The following SCAND3 variants were observed in gnomAD, a reference collection of about 807,000 sequenced individuals.
The protein encoded by SCAND3 is SCAN domain containing 3.
At chr6:28,595,330 C>CAAAAAAAAAA in the SCAND3 span, among the ~76,000 whole-genome samples, 30 of 37,304 alleles carry the variant, frequency 8.0e-4, 1 homozygote, top group Admixed American at 1.1e-3. Flanking sequence ...AACCCAGTCT[C>CAAAAAAAAAA]AAAAAAAAAA....
chr6:28,602,956 A>ATTTTTTTTTTTTTT, the SCAND3 span, among the ~76,000 whole-genome samples: 2 of 94,458 alleles, frequency 2.1e-5, no homozygotes, highest in Non-Finnish European at 1.9e-5. Flanking sequence ...CCAAAAAAAA[A>ATTTTTTTTTTTTTT]TTTTTTTTTT....
chr6:28,589,843 TG>T, the SCAND3 span: 6 of 136,532 alleles, frequency 4.4e-5, no homozygotes, highest in South Asian at 1.6e-3. Context: ...TTCTTTTGTT[TG>T]TTTTTTTGTT....
the SCAND3 span, among the ~76,000 whole-genome samples, chr6:28,610,625 A>G: frequency 6.6e-6 from 1 of 152,210 alleles, no homozygotes; most frequent in Non-Finnish European, 1.5e-5. Flanking sequence ...CAAGTAGTTT[A>G]TACTTTGATG....
At chr6:28,593,983 G>A in the SCAND3 span, among the ~76,000 whole-genome samples, 1 of 152,106 alleles carries the variant, frequency 6.6e-6, no homozygotes, top group Non-Finnish European at 1.5e-5. Context: ...GCCTCCCAAG[G>A]TGCTGGGATT....
At chr6:28,586,802 C>T in the SCAND3 span, 1 of 1,260,870 alleles carries the variant, frequency 7.9e-7, no homozygotes, top group African/African-American at 1.5e-5. The surrounding 1 kb of genome is among the most constrained non-coding windows in gnomAD (Gnocchi z 4.4). Context: ...CTTTTTTGTT[C>T]TTGGTCAGGA....
chr6:28,577,216 G>T, the SCAND3 span, among the ~76,000 whole-genome samples: 2 of 151,942 alleles, frequency 1.3e-5, no homozygotes, highest in Non-Finnish European at 2.9e-5. Context: ...GAAACACTAA[G>T]AATACTTCAA....
the SCAND3 span, chr6:28,572,203 T>G: frequency 1.2e-6 from 2 of 1,614,062 alleles, no homozygotes; most frequent in Non-Finnish European, 1.7e-6. This position sits in a 1 kb window ranked among gnomAD's most constrained non-coding sequence, Gnocchi z 4.1. Context: ...GGTAGCCAGC[T>G]TCAACAACTT....
At chr6:28,573,059 A>G in the SCAND3 span, 5 of 1,611,118 alleles carry the variant, frequency 3.1e-6, no homozygotes, top group East Asian at 2.2e-5. Context: ...TACAGTTCTG[A>G]GCTAGTTGTG....
At chr6:28,585,563 T>C in the SCAND3 span, among the ~76,000 whole-genome samples, 3 of 152,206 alleles carry the variant, frequency 2.0e-5, no homozygotes, top group Admixed American at 2.0e-4. Flanking sequence ...TACTGACTCA[T>C]TTCTGGCATA....
chr6:28,615,503 C>T, the SCAND3 span, among the ~76,000 whole-genome samples: 1 of 150,714 alleles, frequency 6.6e-6, no homozygotes, highest in Non-Finnish European at 1.5e-5. Context: ...ATCTCAGCTA[C>T]TTGGGAGACT....
chr6:28,615,989 A>G, the SCAND3 span: 3 of 152,302 alleles, frequency 2.0e-5, no homozygotes, highest in East Asian at 1.9e-4. Flanking sequence ...GTTTTCTTGT[A>G]AAAGTTTTCG....
the SCAND3 span, chr6:28,575,291 A>T: frequency 4.2e-5 from 67 of 1,613,900 alleles, no homozygotes; most frequent in Non-Finnish European, 5.2e-5. This position sits in a 1 kb window ranked among gnomAD's most constrained non-coding sequence, Gnocchi z 4.2. Flanking sequence ...TGTTCTGCAG[A>T]ACTCTGGCTT....
At chr6:28,581,950 CA>C in the SCAND3 span, among the ~76,000 whole-genome samples, 1 of 152,128 alleles carries the variant, frequency 6.6e-6, no homozygotes, top group Non-Finnish European at 1.5e-5. Flanking sequence ...GGAAATCACA[CA>C]AAAACAAGAA....
At chr6:28,603,264 A>C in the SCAND3 span, among the ~76,000 whole-genome samples, 2 of 152,136 alleles carry the variant, frequency 1.3e-5, no homozygotes, top group African/African-American at 4.8e-5. Flanking sequence ...GCCCAAAATA[A>C]ATTTTTAAAT....
At chr6:28,579,116 C>T in the SCAND3 span, among the ~76,000 whole-genome samples, 12 of 152,188 alleles carry the variant, frequency 7.9e-5, no homozygotes, top group Non-Finnish European at 1.5e-4. This position sits in a 1 kb window ranked among gnomAD's most constrained non-coding sequence, Gnocchi z 4.5. Context: ...TTTAATTCAA[C>T]TCCCTTAATA....
At chr6:28,576,715 T>C in the SCAND3 span, among the ~76,000 whole-genome samples, 1 of 152,088 alleles carries the variant, frequency 6.6e-6, no homozygotes, top group Non-Finnish European at 1.5e-5. Context: ...AGCACTGTTT[T>C]ATGTAAAATA....
the SCAND3 span, among the ~76,000 whole-genome samples, chr6:28,604,525 A>T: frequency 6.6e-6 from 1 of 151,724 alleles, no homozygotes; most frequent in African/African-American, 2.4e-5. Flanking sequence ...CTGAGGCAGG[A>T]GAATTGCTTG....
At chr6:28,573,362 G>A in the SCAND3 span, 1 of 1,614,078 alleles carries the variant, frequency 6.2e-7, no homozygotes, top group Non-Finnish European at 8.5e-7. Flanking sequence ...TCTTTCACTA[G>A]TGTCTCAGCA....
the SCAND3 span, among the ~76,000 whole-genome samples, chr6:28,582,383 C>A: frequency 1.3e-5 from 2 of 151,954 alleles, no homozygotes; most frequent in Non-Finnish European, 2.9e-5. This position sits in a 1 kb window ranked among gnomAD's most constrained non-coding sequence, Gnocchi z 4.8. Context: ...AAGTAACAGG[C>A]ATATCTTAAG....
Sources: allele counts gnomAD v4.1 joint callset (sites outside exome capture counted in the v4.1 genomes callset), GRCh38; gene constraint gnomAD v4.1.1; non-coding constraint Gnocchi (gnomAD v3.1); transcripts MANE v1.5; gene names NCBI Gene and HGNC (gene_info 2026-07-23, HGNC 2026-07-21).